RIMS1: variants seen among roughly 807,000 people sequenced by gnomAD.
RIMS1 encodes regulating synaptic membrane exocytosis 1.
Under a neutral mutation model 214.1 loss-of-function variants are expected in RIMS1, and 83 were observed. The observed-to-expected ratio is 0.39, with a 90% CI of 0.32 to 0.47. RIMS1 has a LOEUF of 0.47. RIMS1 is among the 20% of genes least tolerant of loss of function. The probability of loss-of-function intolerance (pLI) is 0.99; values close to 1 mark genes in which losing one functional copy is unlikely to be tolerated. For synonymous variants in RIMS1, 793 were observed against 786.8 expected, an observed-to-expected ratio of 1.01 and a Z score of -0.13; for missense variants, 2,050 against 2,161.8, an observed-to-expected ratio of 0.95 and a Z score of 1.03.
intron 5 of RIMS1, among the ~76,000 whole-genome samples, chr6:72,181,818 T>A (rs1011021325): frequency 2.0e-5 from 3 of 152,082 alleles, no homozygotes; most frequent in Non-Finnish European, 2.9e-5. Context: ...AACAGAAAAT[T>A]AAAGGTAGAG....
intron 4 of RIMS1, among the ~76,000 whole-genome samples, chr6:72,155,120 GA>G: frequency 7.1e-6 from 1 of 140,476 alleles, no homozygotes; most frequent in East Asian, 2.0e-4. Context: ...GGCTGGCCAG[GA>G]AACCATTTTC....
chr6:71,989,699 T>C (rs1156504848), intron 2 of RIMS1, among the ~76,000 whole-genome samples: 2 of 152,236 alleles, frequency 1.3e-5, no homozygotes, highest in Admixed American at 6.5e-5. Context: ...TAGATATATG[T>C]TGAGCATCTG....
chr6:72,142,194 A>T (rs2042155368), intron 4 of RIMS1, among the ~76,000 whole-genome samples: 1 of 151,936 alleles, frequency 6.6e-6, no homozygotes, highest in Admixed American at 6.6e-5. Context: ...CAGAAAAAAA[A>T]ATCATTGGGT....
At chr6:72,223,718 T>C (rs2059260629) in intron 6 of RIMS1, among the ~76,000 whole-genome samples, 1 of 151,670 alleles carries the variant, frequency 6.6e-6, no homozygotes, top group Non-Finnish European at 1.5e-5. Context: ...GAGGCTGAGG[T>C]GGGTGGATCA....
intron 2 of RIMS1, among the ~76,000 whole-genome samples, chr6:72,086,529 AT>A (rs758563156): frequency 8.5e-5 from 13 of 152,158 alleles, no homozygotes; most frequent in Non-Finnish European, 1.8e-4. Context: ...AACAACTTGT[AT>A]TTATAATATC....
At chr6:72,187,487 T>G (rs2049322796) in intron 6 of RIMS1, among the ~76,000 whole-genome samples, 1 of 148,272 alleles carries the variant, frequency 6.7e-6, no homozygotes, top group Non-Finnish European at 1.5e-5. Flanking sequence ...TTGTTTTTTT[T>G]TTTTTTTTGG....
At chr6:72,287,755 G>A (rs967933584) in intron 24 of RIMS1, among the ~76,000 whole-genome samples, 1 of 151,892 alleles carries the variant, frequency 6.6e-6, no homozygotes, top group South Asian at 2.1e-4. Flanking sequence ...CTATACGCCC[G>A]GCTAATTTTT....
At chr6:72,149,315 A>T (rs536945880) in intron 4 of RIMS1, among the ~76,000 whole-genome samples, 1 of 152,294 alleles carries the variant, frequency 6.6e-6, no homozygotes, top group East Asian at 1.9e-4. Flanking sequence ...AAAGAAAGAA[A>T]AAAAGTACCA....
At chr6:72,055,368 A>C (rs1293801397) in intron 2 of RIMS1, among the ~76,000 whole-genome samples, 1 of 152,230 alleles carries the variant, frequency 6.6e-6, no homozygotes, top group African/African-American at 2.4e-5. Flanking sequence ...GAAGAAACTG[A>C]TTCAAAGATG....
intron 24 of RIMS1, among the ~76,000 whole-genome samples, chr6:72,289,495 A>G (rs2092981120): frequency 6.6e-6 from 1 of 152,190 alleles, no homozygotes; most frequent in Non-Finnish European, 1.5e-5. Context: ...TTATGACGTG[A>G]TAAAGCATTA....
chr6:72,400,150 T>C (rs1238853926), intron 33 of RIMS1, among the ~76,000 whole-genome samples: 3 of 152,200 alleles, frequency 2.0e-5, no homozygotes, highest in African/African-American at 7.2e-5. Flanking sequence ...TTTATGGTCC[T>C]GTACATCGCT....
At chr6:72,016,754 C>T (rs1290982071) in intron 2 of RIMS1, among the ~76,000 whole-genome samples, 1 of 152,052 alleles carries the variant, frequency 6.6e-6, no homozygotes, top group Non-Finnish European at 1.5e-5. Context: ...AGAGAATGAT[C>T]TGCAATATTT....
At chr6:72,338,649 G>A (rs2096931849) in intron 29 of RIMS1, among the ~76,000 whole-genome samples, 1 of 151,842 alleles carries the variant, frequency 6.6e-6, no homozygotes, top group African/African-American at 2.4e-5. Flanking sequence ...TCAAAAAGTG[G>A]GCGAAGGATA....
chr6:72,285,817 A>G (rs1374666898), intron 24 of RIMS1, among the ~76,000 whole-genome samples: 1 of 152,118 alleles, frequency 6.6e-6, no homozygotes, highest in East Asian at 1.9e-4. Context: ...CCTCTACACA[A>G]TTTCAATTAT....
At chr6:72,158,094 C>T (rs1049282260) in intron 4 of RIMS1, among the ~76,000 whole-genome samples, 2 of 139,912 alleles carry the variant, frequency 1.4e-5, no homozygotes, top group African/African-American at 4.9e-5. Flanking sequence ...TTATATTTAC[C>T]AACTGTTGCT....
At chr6:72,248,766 C>T (rs890772637) in intron 12 of RIMS1, among the ~76,000 whole-genome samples, 1 of 152,130 alleles carries the variant, frequency 6.6e-6, no homozygotes, top group Admixed American at 6.6e-5. Context: ...ACCTTTTGCT[C>T]CTCTGATAAT....
intron 2 of RIMS1, among the ~76,000 whole-genome samples, chr6:71,981,839 C>T (rs1798569309): frequency 6.6e-6 from 1 of 151,972 alleles, no homozygotes; most frequent in Non-Finnish European, 1.5e-5. Context: ...TCCCCACCTG[C>T]AGTGTTCACC....
chr6:72,003,613 T>A (rs1185385518), intron 2 of RIMS1, among the ~76,000 whole-genome samples: 1 of 150,382 alleles, frequency 6.6e-6, no homozygotes, highest in African/African-American at 2.4e-5. Flanking sequence ...TGTGTGTCTG[T>A]GTGTGTGTGT....
Position 72,099,986 on chromosome 6 carries a change from G to C in RIMS1, c.471G>C (p.Val157=). 6.2e-7 allele frequency: 1 copy of C among 1,603,802 alleles called. No individual in the cohort carries two copies. Among genetic ancestry groups the C allele is most frequent in the Non-Finnish European group, 8.5e-7 (1 of 1,171,738 alleles). Residue 157 remains valine, a splice_region_variant and synonymous_variant, in exon 4 of 34, where the codon GTG becomes GTC. Transcript: ENST00000521978. ...ATGCTTTCCCAAAGGAGGACAAAGT[G>C]GTTAGAATCCATACTTTCTTTTCTA... ...VSLRSNNEDK[V]VMWVCNLCRK...
Sources: gnomAD v4.1 joint callset for allele counts (sites outside exome capture counted in the v4.1 genomes callset) on GRCh38, gnomAD v4.1.1 for gene constraint, MANE v1.5 for transcripts, NCBI Gene and HGNC (gene_info 2026-07-23, HGNC 2026-07-21) for gene names.